Variants in TEX9 observed in about 807,000 individuals in gnomAD.
TEX9 encodes testis-expressed protein 9.
A neutral mutation model predicts 59.6 loss-of-function variants in TEX9; 74 were observed. The observed-to-expected ratio is 1.24, with a 90% CI of 1.03 to 1.51. The LOEUF is 1.51. Among genes scored for constraint, TEX9 ranks in the 40% most tolerant of loss-of-function variants. The probability of loss-of-function intolerance (pLI) is 0.00; values close to 1 mark genes in which losing one functional copy is unlikely to be tolerated. For missense variants in TEX9, 522 were observed against 447.8 expected (o/e 1.17, Z -1.49); for synonymous variants, 186 against 152.2 (o/e 1.22, Z -1.64).
intron 3 of TEX9, among the ~76,000 whole-genome samples, chr15:56,377,797 CA>C (rs2047528233): frequency 6.6e-6 from 1 of 151,570 alleles, no homozygotes; most frequent in African/African-American, 2.4e-5. Flanking sequence ...GAAAGTAGGC[CA>C]GATCTTAAAG....
intron 10 of TEX9, among the ~76,000 whole-genome samples, chr15:56,413,562 C>G (rs541454882): frequency 4.0e-4 from 61 of 151,352 alleles, no homozygotes; most frequent in African/African-American, 1.4e-3. Flanking sequence ...TTCCACCTCC[C>G]TCTAGACCCT....
At chr15:56,317,618 T>G (rs2045806701) in intron 1 of TEX9, among the ~76,000 whole-genome samples, 1 of 152,210 alleles carries the variant, frequency 6.6e-6, no homozygotes, top group Admixed American at 6.5e-5. Context: ...AGGCAGACAT[T>G]TAGGCTTTCT....
chr15:56,287,244 A>G (rs1454521223), intron 1 of TEX9, among the ~76,000 whole-genome samples: 2 of 152,158 alleles, frequency 1.3e-5, no homozygotes, highest in Admixed American at 6.5e-5. Context: ...GAAACTTCCT[A>G]CCATCATTCT....
intron 1 of TEX9, among the ~76,000 whole-genome samples, chr15:56,293,210 T>C (rs1173005847): frequency 6.6e-6 from 1 of 151,600 alleles, no homozygotes; most frequent in African/African-American, 2.4e-5. Flanking sequence ...AATGGCACGC[T>C]CCTGTAGTCT....
At chr15:56,369,481 T>C (rs2047093647) in intron 2 of TEX9, among the ~76,000 whole-genome samples, 1 of 151,916 alleles carries the variant, frequency 6.6e-6, no homozygotes, top group Non-Finnish European at 1.5e-5. Flanking sequence ...AGGCATGTGC[T>C]AACATGCCTG....
At chr15:56,455,677 A>G in the TEX9 span, among the ~76,000 whole-genome samples, 1 of 152,172 alleles carries the variant, frequency 6.6e-6, no homozygotes, top group Non-Finnish European at 1.5e-5. Context: ...GGATCAAGAA[A>G]CATTCTAGAA....
At chr15:56,456,503 A>G in the TEX9 span, 3 of 1,610,468 alleles carry the variant, frequency 1.9e-6, no homozygotes, top group South Asian at 3.3e-5. Context: ...AGTTCTTTCA[A>G]TCTCTTGTTT....
At chr15:56,315,020 C>G (rs1228629427) in intron 1 of TEX9, among the ~76,000 whole-genome samples, 13 of 151,098 alleles carry the variant, frequency 8.6e-5, no homozygotes, top group Non-Finnish European at 1.5e-4. Context: ...TTCCTCCATC[C>G]TTTTATTTTG....
intron 3 of TEX9, among the ~76,000 whole-genome samples, chr15:56,378,074 T>G (rs1329681080): frequency 2.0e-5 from 3 of 152,180 alleles, no homozygotes; most frequent in Non-Finnish European, 4.4e-5. Flanking sequence ...AAATCCCACA[T>G]GGTCATGACA....
chr15:56,404,328 T>C (rs1567127884), intron 9 of TEX9, among the ~76,000 whole-genome samples: 2 of 152,104 alleles, frequency 1.3e-5, no homozygotes, highest in African/African-American at 4.8e-5. Context: ...GCAAAGGATA[T>C]GAACAGACGC....
intron 1 of TEX9, among the ~76,000 whole-genome samples, chr15:56,304,258 C>T (rs2045426902): frequency 6.6e-6 from 1 of 152,184 alleles, no homozygotes; most frequent in South Asian, 2.1e-4. Flanking sequence ...TCTGTTTGCT[C>T]TAGCTAGGAC....
chr15:56,277,851 AT>A lies in TEX9; in HGVS notation c.-107+33576del, dbSNP rs2044711428. ...GACTGTATTCCTCCAAATAACCTTC[AT>A]TTAGGAAGATGACATTCCTCCAATT... On this transcript the variant is annotated intron_variant, in intron 1 of 5. Coordinates refer to the TEX9 transcript ENST00000560827. Among the ~76,000 whole-genome samples the A allele has an allele frequency of 5.3e-5, 8 of 152,332 alleles. No homozygotes were observed. In the South Asian group the frequency reaches 1.7e-3, roughly 32 times the overall value.
intron 9 of TEX9, among the ~76,000 whole-genome samples, chr15:56,405,796 T>TA (rs145300684): frequency 0.044 from 6,744 of 152,292 alleles, 224 homozygotes; most frequent in Admixed American, 0.087. Context: ...CTTGCTTTTA[T>TA]AAATCTGCAA....
chr15:56,288,960 CTTTA>C (rs1272672564), intron 1 of TEX9, among the ~76,000 whole-genome samples: 1 of 152,074 alleles, frequency 6.6e-6, no homozygotes, highest in Non-Finnish European at 1.5e-5. Flanking sequence ...TTCAAATAAC[CTTTA>C]TTTCAGTTCC....
intron 1 of TEX9, among the ~76,000 whole-genome samples, chr15:56,331,810 G>A (rs1177222685): frequency 6.6e-6 from 1 of 150,962 alleles, no homozygotes; most frequent in African/African-American, 2.4e-5. Flanking sequence ...GTGGGCGAAG[G>A]ACATGAACAG....
At chr15:56,265,707 A>T (rs1193140542) in intron 1 of TEX9, among the ~76,000 whole-genome samples, 1 of 152,100 alleles carries the variant, frequency 6.6e-6, no homozygotes, top group Non-Finnish European at 1.5e-5. Flanking sequence ...GTTATACTTC[A>T]TATGATTTTT....
rs546768382 is a variant in TEX9, at chr15:56,330,445, C to T, written c.-106-42996C>T. Among the ~76,000 whole-genome samples the T allele has an allele frequency of 1.7e-4, 26 of 151,948 alleles. 1 individual carries two copies. The highest frequency in any genetic ancestry group is 6.3e-4 in the African/African-American group (26 of 41,478). On this transcript the variant is annotated intron_variant, in intron 1 of 5. Coordinates refer to the TEX9 transcript ENST00000560827. ...CTAAGTAGAAAGACTAAGTGATGAA[C>T]CAATCAAAAATAATAAGTACAATAA... is the stretch of plus-strand genomic sequence containing the variant.
chr15:56,363,488 G>A (rs1467822430), upstream of TEX9, among the ~76,000 whole-genome samples: 6 of 151,782 alleles, frequency 4.0e-5, no homozygotes, highest in South Asian at 4.2e-4. Flanking sequence ...TTTGATTATC[G>A]CCATTCTAGT....
chr15:56,428,277 T>C lies in TEX9; in HGVS notation c.1099-90T>C, dbSNP rs537196298. The C allele has an allele frequency of 6.8e-5, 59 of 864,250 alleles. No individual in the cohort carries two copies. The South Asian group carries it at 8.6e-4, about 13-fold the overall frequency. 53.5% of individuals were successfully genotyped at this position (864,250 alleles called of 1,614,324 possible). A position where few individuals can be genotyped will look rare whatever the true frequency, so the allele number is the denominator to read the frequency against. On this transcript the variant is annotated intron_variant, in intron 11 of 12. Transcript: ENST00000352903. ...TACAACAGAACTTATATTCTGACAA[T>C]ATATTATCCACACATTTTTACAAAC...
Sources: gnomAD v4.1 joint callset for allele counts (sites outside exome capture counted in the v4.1 genomes callset) on GRCh38, gnomAD v4.1.1 for gene constraint, MANE v1.5 for transcripts, NCBI Gene and HGNC (gene_info 2026-07-23, HGNC 2026-07-21) for gene names.